SLC16A7: variants seen among roughly 807,000 people sequenced by gnomAD.
The protein encoded by SLC16A7 is solute carrier family 16 member 7.
In SLC16A7, 33 loss-of-function variants were observed where a neutral mutation model predicts 34.9. The observed-to-expected ratio is 0.94, with a 90% CI of 0.72 to 1.26. The LOEUF (loss-of-function observed/expected upper bound fraction) is 1.26, where lower values mean the gene tolerates loss of function less well. Among genes scored for constraint, SLC16A7 ranks in the 50% most tolerant of loss-of-function variants. The pLI, the probability that SLC16A7 is intolerant of heterozygous loss-of-function variation, is 0.00. For synonymous variants in SLC16A7, 201 were observed against 206.6 expected (o/e 0.97, Z 0.23); for missense variants, 573 against 578.1 (o/e 0.99, Z 0.09).
chr12:59,733,945 G>A (rs555655788), intron 3 of SLC16A7: 246 of 409,684 alleles, frequency 6.0e-4, no homozygotes, highest in African/African-American at 4.3e-3. Flanking sequence ...GGCAGAGTCT[G>A]GGGTTTTTAA....
At chr12:59,701,164 G>A (rs1872829495) in intron 2 of SLC16A7, among the ~76,000 whole-genome samples, 1 of 151,256 alleles carries the variant, frequency 6.6e-6, no homozygotes, top group African/African-American at 2.4e-5. Flanking sequence ...GAAAAATTAG[G>A]ATGATAGGTA....
intron 1 of SLC16A7, among the ~76,000 whole-genome samples, chr12:59,647,865 A>T (rs1868274242): frequency 6.6e-6 from 1 of 151,780 alleles, no homozygotes; most frequent in Non-Finnish European, 1.5e-5. Flanking sequence ...CAACATGGTG[A>T]CCACAAAACA....
chr12:59,634,586 T>C (rs1449636411), intron 1 of SLC16A7, among the ~76,000 whole-genome samples: 4 of 151,860 alleles, frequency 2.6e-5, no homozygotes, highest in Non-Finnish European at 4.4e-5. Flanking sequence ...TGGTCAGATA[T>C]CACCTGAGGG....
At chr12:59,749,300 A>G (rs1406933005) in intron 3 of SLC16A7, among the ~76,000 whole-genome samples, 4 of 152,180 alleles carry the variant, frequency 2.6e-5, no homozygotes, top group African/African-American at 9.7e-5. Flanking sequence ...CTGTACAACA[A>G]GAAGGCCTGG....
At chr12:59,752,948 A>G (rs568119617) in intron 3 of SLC16A7, among the ~76,000 whole-genome samples, 1 of 152,356 alleles carries the variant, frequency 6.6e-6, no homozygotes, top group South Asian at 2.1e-4. Context: ...GGAGGCCAAT[A>G]TTCAACATTC....
chr12:59,694,029 A>G (rs1871981339), intron 2 of SLC16A7, among the ~76,000 whole-genome samples: 1 of 151,964 alleles, frequency 6.6e-6, no homozygotes, highest in Admixed American at 6.6e-5. Context: ...TTGTATTTTT[A>G]GAAAAATAAA....
intron 1 of SLC16A7, among the ~76,000 whole-genome samples, chr12:59,625,072 T>G (rs1046283350): frequency 6.6e-6 from 1 of 151,844 alleles, no homozygotes; most frequent in Admixed American, 6.6e-5. Flanking sequence ...TTTTTCCTAC[T>G]GTATGTACAC....
At chr12:59,734,061 C>T (rs953088861) in intron 3 of SLC16A7, 3 of 280,708 alleles carry the variant, frequency 1.1e-5, no homozygotes, top group Non-Finnish European at 2.2e-5. Context: ...CTACCCAGAA[C>T]TGACAGTCTG....
At chr12:59,597,720 TA>T (rs1163714513) in intron 1 of SLC16A7, among the ~76,000 whole-genome samples, 1 of 152,152 alleles carries the variant, frequency 6.6e-6, no homozygotes, top group Non-Finnish European at 1.5e-5. Flanking sequence ...AGATTACATT[TA>T]AAGCAATCCA....
chr12:59,771,091 T>C, intron 3 of SLC16A7, 128 bp from the exon 4 acceptor site: 1 of 795,602 alleles, frequency 1.3e-6, no homozygotes, highest in East Asian at 2.7e-5. Flanking sequence ...TTATGTTTCA[T>C]GTGAACTAGT....
At chr12:59,657,655 C>T (rs978095152) in intron 2 of SLC16A7, among the ~76,000 whole-genome samples, 34 of 151,934 alleles carry the variant, frequency 2.2e-4, no homozygotes, top group African/African-American at 8.0e-4. Flanking sequence ...CTGGTGGTAG[C>T]ATATATTTGA....
chr12:59,727,026 G>A (rs1876336087), intron 3 of SLC16A7, among the ~76,000 whole-genome samples: 1 of 151,756 alleles, frequency 6.6e-6, no homozygotes, highest in Non-Finnish European at 1.5e-5. Context: ...ACAATCAAAA[G>A]GAGTGATCAT....
intron 1 of SLC16A7, among the ~76,000 whole-genome samples, chr12:59,629,704 T>C (rs559191616): frequency 2.6e-5 from 4 of 152,034 alleles, no homozygotes; most frequent in Admixed American, 1.3e-4. Context: ...GCTGTATGAC[T>C]TTCTGTGTCT....
At chr12:59,618,429 T>C (rs1466891082) in intron 1 of SLC16A7, among the ~76,000 whole-genome samples, 2 of 151,940 alleles carry the variant, frequency 1.3e-5, no homozygotes, top group African/African-American at 4.8e-5. Context: ...TATTCAATAA[T>C]GGGGCAAAAA....
chr12:59,660,027 A>G (rs1868754940), intron 2 of SLC16A7, among the ~76,000 whole-genome samples: 1 of 152,118 alleles, frequency 6.6e-6, no homozygotes, highest in Admixed American at 6.6e-5. Flanking sequence ...TTCTAATACT[A>G]AATCAAGGTG....
chr12:59,729,927 C>T (rs1246799507), intron 3 of SLC16A7, among the ~76,000 whole-genome samples: 1 of 152,174 alleles, frequency 6.6e-6, no homozygotes, highest in African/African-American at 2.4e-5. Context: ...GGAAGGGATT[C>T]ATTCTTTCAA....
chr12:59,701,464 A>G lies in SLC16A7; in HGVS notation c.-30-3308A>G, dbSNP rs191721972. ...AATTTTAGAAAATAGAATTGTGTAT[A>G]TGTGTGTGTGTGTGTACATTCTGTC... On this transcript the variant is annotated intron_variant, in intron 2 of 5. Coordinates refer to ENST00000547379, the MANE Select transcript of SLC16A7 (RefSeq NM_001270623.2). 0.014 allele frequency among the ~76,000 whole-genome samples: 2,123 copies of G among 151,026 alleles called. 189 individuals carry two copies. In the East Asian group the frequency reaches 0.25, roughly 18 times the overall value.
At chr12:59,670,822 G>A (rs865934162) in intron 2 of SLC16A7, among the ~76,000 whole-genome samples, 39 of 152,140 alleles carry the variant, frequency 2.6e-4, no homozygotes, top group African/African-American at 8.4e-4. Flanking sequence ...TGGGCTCATC[G>A]TGGTGGTCCA....
chr12:59,603,316 G>A (rs1429979991), intron 1 of SLC16A7, among the ~76,000 whole-genome samples: 2 of 152,136 alleles, frequency 1.3e-5, no homozygotes, highest in Admixed American at 6.5e-5. Flanking sequence ...TCCAAGGACT[G>A]ACATTTCAGT....
Sources: allele counts gnomAD v4.1 joint callset (sites outside exome capture counted in the v4.1 genomes callset), GRCh38; gene constraint gnomAD v4.1.1; transcripts MANE v1.5; gene names NCBI Gene and HGNC (gene_info 2026-07-23, HGNC 2026-07-21).